Variants in QDPR observed in about 807,000 individuals in gnomAD.
The protein encoded by QDPR is quinoid dihydropteridine reductase, also known as dihydropteridine reductase.
In QDPR, 23 loss-of-function variants were observed where a neutral mutation model predicts 31.7. The observed-to-expected ratio is 0.73, with a 90% CI of 0.52 to 1.03. QDPR has a LOEUF of 1.03. QDPR is among the 50% of genes least tolerant of loss of function. The pLI is 0.00. For missense variants in QDPR, 324 were observed against 323.8 expected (o/e 1.00, Z 0.00); for synonymous variants, 124 against 124.7 (o/e 0.99, Z 0.03).
At chr4:17,493,703 C>A (rs1216148911) in intron 4 of QDPR, among the ~76,000 whole-genome samples, 1 of 152,192 alleles carries the variant, frequency 6.6e-6, no homozygotes. Context: ...GCCACCCTCC[C>A]AGTGCCCTCC....
chr4:17,497,328 A>G (rs1718399085), intron 4 of QDPR, among the ~76,000 whole-genome samples: 1 of 152,228 alleles, frequency 6.6e-6, no homozygotes, highest in South Asian at 2.1e-4. Flanking sequence ...GTCTTTTCCC[A>G]TAAGCTCTAT....
At chr4:17,497,130 C>T (rs1358851356) in intron 4 of QDPR, among the ~76,000 whole-genome samples, 1 of 152,092 alleles carries the variant, frequency 6.6e-6, no homozygotes, top group Non-Finnish European at 1.5e-5. Flanking sequence ...CCAAAGGACA[C>T]CTGAGAAGCC....
chr4:17,499,464 A>C (rs1403141004), intron 4 of QDPR, among the ~76,000 whole-genome samples: 1 of 152,262 alleles, frequency 6.6e-6, no homozygotes, highest in Non-Finnish European at 1.5e-5. Flanking sequence ...CATCTTAAAT[A>C]AAAATCAGAT....
intron 4 of QDPR, among the ~76,000 whole-genome samples, chr4:17,497,559 T>TAA (rs1718411704): frequency 6.7e-6 from 1 of 149,540 alleles, no homozygotes; most frequent in Non-Finnish European, 1.5e-5. Context: ...TAATTACTGA[T>TAA]TATAATTATA....
chr4:17,487,206 G>T lies in QDPR; in HGVS notation c.660C>A (p.Asn220Lys), dbSNP rs753725192. 6.2e-7 allele frequency: 1 copy of T among 1,613,068 alleles called. No homozygotes were observed. The highest frequency in any genetic ancestry group is 8.5e-7 in the Non-Finnish European group (1 of 1,179,546). Reference sequence around the variant, plus strand: ...GGATTAGGCTTCCTGAGCTCGGTCGGTTTTTCCCTGTGATCCAGTCATGGA... The same window carrying T: ...GGATTAGGCTTCCTGAGCTCGGTCGTTTTTTCCCTGTGATCCAGTCATGGA... ...ETFHDWITGK[N>K]RPSSGSLIQV... is the part of the protein sequence containing the mutation. Residue 220 changes from asparagine (N) to lysine (K), a missense_variant, in exon 7 of 7, where the codon AAC becomes AAA. Asn to Lys is a moderately conservative substitution (Grantham distance 94). Coordinates refer to ENST00000281243, the MANE Select transcript of QDPR (RefSeq NM_000320.3).
intron 4 of QDPR, 68 bp downstream of exon 4, chr4:17,501,651 A>G: frequency 6.3e-7 from 1 of 1,586,232 alleles, no homozygotes; most frequent in Non-Finnish European, 8.6e-7. Context: ...CATCCCATGA[A>G]AGTGCCCAGC....
intron 1 of QDPR, among the ~76,000 whole-genome samples, 157 bp downstream of exon 1, chr4:17,511,793 G>C (rs185921858): frequency 6.6e-6 from 1 of 152,296 alleles, no homozygotes; most frequent in African/African-American, 2.4e-5. Context: ...TCGGAAACAG[G>C]AATAGACGCG....
Position 17,486,436 on chromosome 4 carries a change from C to G in QDPR, c.*695G>C, listed in dbSNP as rs1014363903. On this transcript the variant is annotated 3_prime_UTR_variant, in exon 7 of 7. Coordinates refer to ENST00000281243, the MANE Select transcript of QDPR (RefSeq NM_000320.3). ...TTTATTTCAGGATTTAAATCCACCC[C>G]CTTCTGAGAACATCAGATTAAAAGA... 3.3e-5 allele frequency: 5 copies of G among 152,572 alleles called. No homozygotes were observed. The highest frequency in any genetic ancestry group is 3.9e-4 in the East Asian group (2 of 5,182). 9.5% of individuals were successfully genotyped at this position (152,572 alleles called of 1,614,324 possible). A position where few individuals can be genotyped will look rare whatever the true frequency, so the allele number is the denominator to read the frequency against.
intron 2 of QDPR, 141 bp from the exon 3 acceptor site, chr4:17,504,616 G>T (rs562181639): frequency 1.4e-5 from 10 of 740,242 alleles, no homozygotes; most frequent in Admixed American, 2.0e-5. Context: ...AGAATTAGAC[G>T]GAAGACTAAG....
At position 17,502,580 on chromosome 4, in the gene QDPR, T is replaced by C. The variant is rs931590352; in HGVS notation, c.296-721A>G. Among the ~76,000 whole-genome samples the C allele has an allele frequency of 1.8e-4, 27 of 152,340 alleles. 1 individual carries two copies. The highest frequency in any genetic ancestry group is 3.3e-4 in the Admixed American group (5 of 15,300). On this transcript the variant is annotated intron_variant, in intron 3 of 6. Coordinates refer to ENST00000281243, the MANE Select transcript of QDPR (RefSeq NM_000320.3). ...CTGATGGATCCACATTTATCATTTC[T>C]TGCTCCCAAAACATACAAAAAGGTT...
chr4:17,500,117 G>A lies in QDPR; in HGVS notation c.436+1602C>T, dbSNP rs569597178. Among the ~76,000 whole-genome samples, 6 of 152,120 alleles carry A rather than the reference G, an allele frequency of 3.9e-5. No individual in the cohort carries two copies. In the South Asian group the frequency reaches 1.2e-3, roughly 32 times the overall value. On this transcript the variant is annotated intron_variant, in intron 4 of 6. Coordinates refer to ENST00000281243, the MANE Select transcript of QDPR (RefSeq NM_000320.3). ...TCCTGCTTCAGCCACCATCACGCCT[G>A]GCTAATTTTTTGTATTTTTAGTAGG...
At chr4:17,492,503 T>C (rs1718204804) in intron 4 of QDPR, 163 bp from the exon 5 acceptor site, 1 of 654,896 alleles carries the variant, frequency 1.5e-6, no homozygotes, top group Non-Finnish European at 2.7e-6. Flanking sequence ...CATCAAAAAA[T>C]GGCAGAGAGC....
rs73234956 is a variant in QDPR, at chr4:17,492,639, G to A, written c.437-299C>T. On this transcript the variant is annotated intron_variant, in intron 4 of 6. Coordinates refer to ENST00000281243, the MANE Select transcript of QDPR (RefSeq NM_000320.3). ...CTGCAGCATTCCAGGGTCCAGAAGA[G>A]GCCAGGAAGAAAAGATAAATGAACA... The A allele has an allele frequency of 0.24, 100,880 of 424,342 alleles. 13,409 individuals carry two copies. The highest frequency in any genetic ancestry group is 0.28 in the Non-Finnish European group (64,980 of 234,872). 26.3% of individuals were successfully genotyped at this position (424,342 alleles called of 1,614,324 possible). A position where few individuals can be genotyped will look rare whatever the true frequency, so the allele number is the denominator to read the frequency against.
intron 5 of QDPR, among the ~76,000 whole-genome samples, chr4:17,490,971 C>A (rs1044733888): frequency 3.9e-5 from 6 of 152,144 alleles, no homozygotes; most frequent in African/African-American, 7.2e-5. Context: ...CAATAAGGTG[C>A]GCTGTGGCTC....
chr4:17,496,077 G>A lies in QDPR; in HGVS notation c.437-3737C>T, dbSNP rs141535760. Among the ~76,000 whole-genome samples the A allele has an allele frequency of 7.5e-3, 1,139 of 152,096 alleles. 14 individuals are homozygous for A. Among genetic ancestry groups the A allele is most frequent in the Non-Finnish European group, 9.3e-3 (632 of 67,990 alleles). ...CTTTATTCACTGCTTTCAGAAAAGA[G>A]CAATAGGTGGGTTTCTCAAAGGAGG... On this transcript the variant is annotated intron_variant, in intron 4 of 6. Coordinates refer to ENST00000281243, the MANE Select transcript of QDPR (RefSeq NM_000320.3).
In QDPR at chr4:17,512,038, G is replaced by GCCT; in HGVS notation, c.16_17insAGG (p.Ala5_Ala6insGlu). On this transcript the variant is annotated inframe_insertion, in exon 1 of 7. Transcript: ENST00000281243. ...CAGCACCCGGCGCGCCTCGCCTGCAGCCGCCGCCGCCGCCATCCTGCTCCT... is the reference window on the plus strand; with the variant it reads ...CAGCACCCGGCGCGCCTCGCCTGCAGCCTCCGCCGCCGCCGCCATCCTGCTCCT... The GCCT allele has an allele frequency of 6.3e-7, 1 of 1,586,370 alleles. No homozygotes were observed. Among genetic ancestry groups the GCCT allele is most frequent in the Non-Finnish European group, 8.6e-7 (1 of 1,167,180 alleles).
chr4:17,498,925 T>C (rs778155636), intron 4 of QDPR, among the ~76,000 whole-genome samples: 1 of 152,238 alleles, frequency 6.6e-6, no homozygotes, highest in Non-Finnish European at 1.5e-5. Flanking sequence ...GTCTGCAGCA[T>C]ACTTAAAAGA....
At chr4:17,506,792 G>A (rs1718802139) in intron 2 of QDPR, among the ~76,000 whole-genome samples, 1 of 152,200 alleles carries the variant, frequency 6.6e-6, no homozygotes. Context: ...AGACCACAGT[G>A]AGAAAAATAA....
At chr4:17,509,222 C>A in intron 2 of QDPR, 49 bp downstream of exon 2, 1 of 1,429,722 alleles carries the variant, frequency 7.0e-7, no homozygotes, top group Non-Finnish European at 9.9e-7. Flanking sequence ...CAGTGGTCAC[C>A]TCTCCCCAGG....
Sources: gnomAD v4.1 joint callset for allele counts (sites outside exome capture counted in the v4.1 genomes callset) on GRCh38, gnomAD v4.1.1 for gene constraint, MANE v1.5 for transcripts, NCBI Gene and HGNC (gene_info 2026-07-23, HGNC 2026-07-21) for gene names.